The following ATXN1 variants were observed in gnomAD, a reference collection of about 807,000 sequenced individuals.
ATXN1 encodes the protein ataxin 1, also known as ataxin-1.
ATXN1 carries 8 observed loss-of-function variants against 56.4 expected under a neutral mutation model. The ratio of observed to expected loss-of-function variants is 0.14; its 90% confidence interval spans 0.08 to 0.26. The LOEUF (loss-of-function observed/expected upper bound fraction) is 0.26. Among genes scored for constraint, ATXN1 ranks in the 10% least tolerant of loss-of-function variants. The pLI is 1.00. For synonymous variants in ATXN1, 514 were observed against 494.6 expected (o/e 1.04, Z -0.52); for missense variants, 987 against 1,106.5 (o/e 0.89, Z 1.53).
At chr6:16,700,107 G>A (rs538318251) in intron 2 of ATXN1, among the ~76,000 whole-genome samples, 5 of 152,224 alleles carry the variant, frequency 3.3e-5, no homozygotes, top group African/African-American at 1.2e-4. Flanking sequence ...AACACATGTG[G>A]TAGGCAGTTT....
At chr6:16,729,824 A>AT (rs1178456925) in intron 2 of ATXN1, among the ~76,000 whole-genome samples, 1 of 152,184 alleles carries the variant, frequency 6.6e-6, no homozygotes, top group Non-Finnish European at 1.5e-5. Context: ...CACAGAGAAA[A>AT]TGGCCCTCTG....
intron 5 of ATXN1, among the ~76,000 whole-genome samples, chr6:16,519,784 G>A (rs560275717): frequency 6.6e-6 from 1 of 152,312 alleles, no homozygotes; most frequent in South Asian, 2.1e-4. Flanking sequence ...CCCATTCAGA[G>A]GCCTGCAGAA....
intron 6 of ATXN1, among the ~76,000 whole-genome samples, chr6:16,333,089 CA>C: frequency 6.6e-6 from 1 of 152,208 alleles, no homozygotes; most frequent in Non-Finnish European, 1.5e-5. Flanking sequence ...TACGTAAACA[CA>C]GAGTTGATGG....
chr6:16,629,917 CA>C (rs56412324), intron 3 of ATXN1, among the ~76,000 whole-genome samples: 2,124 of 145,688 alleles, frequency 0.015, 59 homozygotes, highest in South Asian at 0.026. Context: ...AACTCCATCT[CA>C]AAAAAAAAAA....
intron 6 of ATXN1, among the ~76,000 whole-genome samples, chr6:16,465,411 C>G (rs771363162): frequency 6.6e-6 from 1 of 152,144 alleles, no homozygotes; most frequent in African/African-American, 2.4e-5. Flanking sequence ...GAGCCAAGAT[C>G]GTGCCACTGC....
At chr6:16,382,694 G>A (rs541002538) in intron 6 of ATXN1, among the ~76,000 whole-genome samples, 153 of 152,220 alleles carry the variant, frequency 1.0e-3, no homozygotes, top group African/African-American at 3.6e-3. Context: ...TAGGTAGAGT[G>A]AAGGGTGGTC....
At chr6:16,675,060 C>A (rs1440586572) in intron 2 of ATXN1, among the ~76,000 whole-genome samples, 2 of 152,164 alleles carry the variant, frequency 1.3e-5, no homozygotes, top group Admixed American at 1.3e-4. Flanking sequence ...AATTCAGAGG[C>A]ACACAACTCT....
intron 6 of ATXN1, among the ~76,000 whole-genome samples, chr6:16,428,636 G>A (rs897529203): frequency 1.3e-5 from 2 of 152,098 alleles, no homozygotes; most frequent in African/African-American, 4.8e-5. Flanking sequence ...AAAGGAGACA[G>A]GGAGAGTTTC....
chr6:16,367,565 C>T (rs550186995), intron 6 of ATXN1, among the ~76,000 whole-genome samples: 12 of 152,174 alleles, frequency 7.9e-5, no homozygotes, highest in South Asian at 2.1e-4. Flanking sequence ...CATGCGATCA[C>T]GGCTTTTTGA....
intron 6 of ATXN1, among the ~76,000 whole-genome samples, chr6:16,441,079 G>A (rs1449972108): frequency 6.6e-6 from 1 of 152,178 alleles, no homozygotes; most frequent in African/African-American, 2.4e-5. Flanking sequence ...AAGGGGTCCT[G>A]CAGAATCCAA....
At chr6:16,415,364 G>C (rs1758880451) in intron 6 of ATXN1, among the ~76,000 whole-genome samples, 1 of 152,142 alleles carries the variant, frequency 6.6e-6, no homozygotes, top group Admixed American at 6.5e-5. Context: ...CGAGTAGCTG[G>C]AACTACGGCA....
intron 6 of ATXN1, among the ~76,000 whole-genome samples, chr6:16,445,363 G>A (rs1386957786): frequency 5.9e-5 from 9 of 152,030 alleles, no homozygotes; most frequent in Admixed American, 4.6e-4. Flanking sequence ...CAAGGTCCAG[G>A]GAATACTGTT....
intron 5 of ATXN1, among the ~76,000 whole-genome samples, chr6:16,515,004 T>C (rs988877510): frequency 6.6e-6 from 1 of 150,850 alleles, no homozygotes; most frequent in African/African-American, 2.4e-5. Flanking sequence ...ATAATAATAA[T>C]TAATAATAAT....
At chr6:16,544,270 A>G (rs962140598) in intron 4 of ATXN1, among the ~76,000 whole-genome samples, 5 of 152,206 alleles carry the variant, frequency 3.3e-5, no homozygotes, top group African/African-American at 1.2e-4. Flanking sequence ...TTGTTCCCAC[A>G]GTAACCAGAG....
intron 6 of ATXN1, among the ~76,000 whole-genome samples, chr6:16,428,240 T>C (rs1377077689): frequency 2.0e-5 from 3 of 151,244 alleles, no homozygotes; most frequent in Non-Finnish European, 2.9e-5. Context: ...TGCCTCAGCC[T>C]CTGGAGTAGT....
intron 2 of ATXN1, among the ~76,000 whole-genome samples, chr6:16,681,971 C>T (rs3793108): frequency 0.33 from 49,436 of 151,962 alleles, 8,142 homozygotes; most frequent in Non-Finnish European, 0.35. Flanking sequence ...AGCCTGAAAA[C>T]GAAAGTCCCC....
intron 3 of ATXN1, among the ~76,000 whole-genome samples, chr6:16,589,468 A>G (rs565733462): frequency 9.6e-4 from 145 of 151,592 alleles, no homozygotes; most frequent in African/African-American, 3.3e-3. Flanking sequence ...TATACATCAC[A>G]CACATACACA....
chr6:16,747,474 G>A (rs1235444955), intron 2 of ATXN1, among the ~76,000 whole-genome samples: 1 of 152,108 alleles, frequency 6.6e-6, no homozygotes, highest in Non-Finnish European at 1.5e-5. Flanking sequence ...ACTGTTACAG[G>A]GAGGAGCTTC....
At chr6:16,514,968 C>A (rs541320020) in intron 5 of ATXN1, among the ~76,000 whole-genome samples, 1 of 151,412 alleles carries the variant, frequency 6.6e-6, no homozygotes, top group African/African-American at 2.4e-5. Context: ...GGCGACAGAG[C>A]GAGGCTCTGT....
Sources: allele counts gnomAD v4.1 joint callset (sites outside exome capture counted in the v4.1 genomes callset), GRCh38; gene constraint gnomAD v4.1.1; transcripts MANE v1.5; gene names NCBI Gene and HGNC (gene_info 2026-07-23, HGNC 2026-07-21).